The following KIF16B variants were observed in gnomAD, a reference collection of about 807,000 sequenced individuals.
KIF16B encodes the protein kinesin-like protein KIF16B.
KIF16B carries 98 observed loss-of-function variants against 156.3 expected under a neutral mutation model. The observed-to-expected ratio is 0.63, with a 90% CI of 0.53 to 0.74. KIF16B has a LOEUF of 0.74. KIF16B is among the 30% of genes least tolerant of loss of function. The pLI, the probability that KIF16B is intolerant of heterozygous loss-of-function variation, is 0.00. For missense variants in KIF16B, 1,421 were observed against 1,606.5 expected (o/e 0.88, Z 1.97); for synonymous variants, 564 against 583.7 (o/e 0.97, Z 0.49).
intron 11 of KIF16B, among the ~76,000 whole-genome samples, chr20:16,495,590 A>G (rs2068426997): frequency 6.6e-6 from 1 of 152,200 alleles, no homozygotes; most frequent in African/African-American, 2.4e-5. Flanking sequence ...TTTACTACTT[A>G]TTAGTGCCAA....
chr20:16,342,324 G>A (rs2064154027), intron 23 of KIF16B, among the ~76,000 whole-genome samples: 2 of 140,986 alleles, frequency 1.4e-5, no homozygotes, highest in South Asian at 2.7e-4. Context: ...GGGTGGGGTG[G>A]GTGGACTCTC....
intron 15 of KIF16B, among the ~76,000 whole-genome samples, chr20:16,421,128 G>A (rs2066215218): frequency 6.6e-6 from 1 of 152,096 alleles, no homozygotes; most frequent in Non-Finnish European, 1.5e-5. Context: ...GCTGTCATCT[G>A]TTAATTCAAA....
intron 12 of KIF16B, among the ~76,000 whole-genome samples, chr20:16,467,306 G>A (rs1326043205): frequency 6.6e-5 from 10 of 151,990 alleles, no homozygotes; most frequent in African/African-American, 2.2e-4. Context: ...GTCCCCCCAC[G>A]CCTCACCACC....
At chr20:16,395,750 A>G (rs1189650349) in intron 17 of KIF16B, among the ~76,000 whole-genome samples, 1 of 152,122 alleles carries the variant, frequency 6.6e-6, no homozygotes, top group Non-Finnish European at 1.5e-5. Context: ...CAGATTCCCT[A>G]GACTCTAGGG....
At chr20:16,383,781 C>A (rs977795044) in intron 17 of KIF16B, among the ~76,000 whole-genome samples, 5 of 152,138 alleles carry the variant, frequency 3.3e-5, no homozygotes, top group Non-Finnish European at 7.4e-5. Context: ...GATCTGTACT[C>A]TTCATTTTTA....
At position 16,451,468 on chromosome 20, in the gene KIF16B, T is replaced by C. The variant is rs908277952; in HGVS notation, c.1303-21486A>G. ...GCCCAAAACAGCACTCCTAAGTAAT[T>C]TGAAGACTTCTTTCTTTGGATCACT... On this transcript the variant is annotated intron_variant, in intron 12 of 25. Transcript: ENST00000354981. Among the ~76,000 whole-genome samples the C allele has an allele frequency of 3.3e-5, 5 of 152,078 alleles. No individual in the cohort carries two copies. In the East Asian group the frequency reaches 7.7e-4, roughly 23 times the overall value.
chr20:16,545,108 C>T lies in KIF16B; in HGVS notation c.48-16668G>A, dbSNP rs975335219. ...GCTGACTCTGACTCCAGGAGCAAAG[C>T]GTTGGGGGCCTTCCATCTCCTTCTG... On this transcript the variant is annotated intron_variant, in intron 1 of 25. Coordinates refer to ENST00000354981, the MANE Select transcript of KIF16B (RefSeq NM_024704.5). Among the ~76,000 whole-genome samples the T allele has an allele frequency of 5.3e-5, 8 of 152,308 alleles. No homozygotes were observed. The East Asian group carries it at 5.8e-4, about 11-fold the overall frequency.
intron 16 of KIF16B, among the ~76,000 whole-genome samples, 166 bp downstream of exon 16, chr20:16,406,208 A>C (rs1164214477): frequency 6.6e-6 from 1 of 152,130 alleles, no homozygotes; most frequent in Non-Finnish European, 1.5e-5. Flanking sequence ...TTCATCAGCC[A>C]ATCATCTGCT....
At chr20:16,358,935 G>A (rs1168162605) in intron 22 of KIF16B, among the ~76,000 whole-genome samples, 1 of 152,198 alleles carries the variant, frequency 6.6e-6, no homozygotes, top group Non-Finnish European at 1.5e-5. Flanking sequence ...GCCACACAGA[G>A]GGTCAGGCCT....
intron 25 of KIF16B, among the ~76,000 whole-genome samples, chr20:16,304,976 G>A (rs1326613101): frequency 6.6e-6 from 1 of 152,096 alleles, no homozygotes. Flanking sequence ...GAGTGGTGGT[G>A]GTGGTGATAT....
chr20:16,409,351 C>T (rs1311485942), intron 15 of KIF16B, among the ~76,000 whole-genome samples: 1 of 151,828 alleles, frequency 6.6e-6, no homozygotes, highest in Non-Finnish European at 1.5e-5. Flanking sequence ...AGAGTGAGCA[C>T]TGCACCAACA....
intron 25 of KIF16B, among the ~76,000 whole-genome samples, chr20:16,279,048 C>T (rs2063106494): frequency 6.6e-6 from 1 of 152,188 alleles, no homozygotes; most frequent in Non-Finnish European, 1.5e-5. Flanking sequence ...CAAGGCAGCT[C>T]AGGGAATGCT....
Position 16,521,518 on chromosome 20 carries a change from T to C in KIF16B, c.231+4574A>G, listed in dbSNP as rs1050849676. ...AGAGCCTCCAAGAAATATGGGACTATGTGAAAAGACCAAACCTATGTTTGA... is the reference window on the plus strand; with the variant it reads ...AGAGCCTCCAAGAAATATGGGACTACGTGAAAAGACCAAACCTATGTTTGA... On this transcript the variant is annotated intron_variant, in intron 3 of 25. Transcript: ENST00000354981. Among the ~76,000 whole-genome samples, 4 of 152,036 alleles carry C rather than the reference T, an allele frequency of 2.6e-5. No homozygotes were observed. In the South Asian group the frequency reaches 6.2e-4, roughly 24 times the overall value.
intron 12 of KIF16B, among the ~76,000 whole-genome samples, chr20:16,460,119 T>C (rs984503327): frequency 6.6e-6 from 1 of 152,174 alleles, no homozygotes; most frequent in African/African-American, 2.4e-5. Flanking sequence ...CCTGCACATA[T>C]TATAGTAACA....
intron 17 of KIF16B, among the ~76,000 whole-genome samples, chr20:16,393,128 T>A (rs1193468983): frequency 6.6e-6 from 1 of 152,202 alleles, no homozygotes; most frequent in East Asian, 1.9e-4. Context: ...ATACTCTATA[T>A]AATGCATAAT....
chr20:16,338,211 G>T (rs570080168), intron 23 of KIF16B, among the ~76,000 whole-genome samples: 105 of 152,166 alleles, frequency 6.9e-4, no homozygotes, highest in Non-Finnish European at 1.3e-3. Context: ...ATGCTCTCCA[G>T]CCGGGACTGT....
chr20:16,292,540 A>C (rs2063328744), intron 25 of KIF16B, among the ~76,000 whole-genome samples: 1 of 152,208 alleles, frequency 6.6e-6, no homozygotes. Flanking sequence ...AAAAAGCACA[A>C]GGTATTTGGA....
chr20:16,354,399 C>T (rs2064395830), intron 23 of KIF16B, among the ~76,000 whole-genome samples: 1 of 150,360 alleles, frequency 6.7e-6, no homozygotes, highest in Admixed American at 6.7e-5. Context: ...AATTAAAAAA[C>T]ACAGTCATGA....
At chr20:16,365,831 G>A (rs776200851) in intron 22 of KIF16B, among the ~76,000 whole-genome samples, 12 of 152,146 alleles carry the variant, frequency 7.9e-5, no homozygotes, top group Non-Finnish European at 1.5e-4. Context: ...TCCATGCCAC[G>A]AGAATCACTG....
Sources: gnomAD v4.1 joint callset for allele counts (sites outside exome capture counted in the v4.1 genomes callset) on GRCh38, gnomAD v4.1.1 for gene constraint, MANE v1.5 for transcripts, NCBI Gene and HGNC (gene_info 2026-07-23, HGNC 2026-07-21) for gene names.